Variants in KLB observed in about 807,000 individuals in gnomAD.
The protein encoded by KLB is klotho beta, also known as beta-klotho.
In KLB, 44 loss-of-function variants were observed where a neutral mutation model predicts 88.4. That is an observed-to-expected ratio of 0.50 (90% confidence interval 0.39 to 0.64). The LOEUF is 0.64. Ranked by LOEUF, KLB falls within the 30% of genes least tolerant of loss-of-function variation. The pLI is 0.00. For synonymous variants in KLB, 548 were observed against 513.4 expected (o/e 1.07, Z -0.91); for missense variants, 1,137 against 1,304.8 (o/e 0.87, Z 1.98).
At chr4:39,445,788 C>A (rs1055380400) in intron 3 of KLB, among the ~76,000 whole-genome samples, 5 of 151,354 alleles carry the variant, frequency 3.3e-5, no homozygotes, top group Non-Finnish European at 5.9e-5. Flanking sequence ...TCCCAAAGTG[C>A]TAGGATTACA....
intron 1 of KLB, among the ~76,000 whole-genome samples, chr4:39,409,418 G>C (rs1424094566): frequency 6.6e-6 from 1 of 150,438 alleles, no homozygotes; most frequent in Non-Finnish European, 1.5e-5. Context: ...TCAGCCTCTT[G>C]AGTAACTGGT....
At chr4:39,432,007 C>T (rs1277759332) in intron 1 of KLB, among the ~76,000 whole-genome samples, 1 of 152,178 alleles carries the variant, frequency 6.6e-6, no homozygotes, top group African/African-American at 2.4e-5. Context: ...ATAGTGGGGG[C>T]CGGGTGCAGT....
chr4:39,407,289 AT>A lies in KLB; in HGVS notation c.341del (p.Ile114ThrfsTer31). On this transcript the variant is annotated frameshift_variant, in exon 1 of 5. Transcript: ENST00000257408. LOFTEE classifies it high-confidence loss of function. ...AGGACCTTCTATATGGGATCATTTC[AT>A]CCACACACACCTTAAAAATGTCAGC... The part of the protein sequence containing the change: ...GKGPSIWDHF[I>X]HTHLKNVSST... 6.2e-7 allele frequency: 1 copy of A among 1,614,134 alleles called. No individual in the cohort carries two copies. The highest frequency in any genetic ancestry group is 8.5e-7 in the Non-Finnish European group (1 of 1,179,968).
At chr4:39,416,433 G>A (rs1178954566) in intron 1 of KLB, among the ~76,000 whole-genome samples, 1 of 152,010 alleles carries the variant, frequency 6.6e-6, no homozygotes, top group Non-Finnish European at 1.5e-5. Context: ...TCTTCATATA[G>A]TTCTCTTCTT....
chr4:39,435,266 T>C (rs1743449221), intron 2 of KLB, among the ~76,000 whole-genome samples: 1 of 150,818 alleles, frequency 6.6e-6, no homozygotes, highest in Non-Finnish European at 1.5e-5. Context: ...TACAGGTGCA[T>C]GCCACCACAC....
Position 39,447,414 on chromosome 4 carries a change from T to A in KLB, c.2688T>A (p.Ala896=). The stretch of plus-strand genomic sequence containing the variant: ...CCGCCAGTGGCATCGACGACCAGGC[T>A]CTGGAGGATGACCGGCTCCGGAAGT... The part of the protein sequence containing the change: ...YITASGIDDQ[A]LEDDRLRKYY... Residue 896 remains alanine, a synonymous_variant, in exon 4 of 5, where the codon GCT becomes GCA. Coordinates refer to ENST00000257408, the MANE Select transcript of KLB (RefSeq NM_175737.4). 6.2e-7 allele frequency: 1 copy of A among 1,612,524 alleles called. No individual in the cohort carries two copies. The highest frequency in any genetic ancestry group is 8.5e-7 in the Non-Finnish European group (1 of 1,179,382).
chr4:39,422,179 G>A (rs1743103591), intron 1 of KLB, among the ~76,000 whole-genome samples: 1 of 152,154 alleles, frequency 6.6e-6, no homozygotes, highest in Non-Finnish European at 1.5e-5. Context: ...GTATTTCAAA[G>A]GCACATAATT....
chr4:39,414,934 T>G (rs959486975), intron 1 of KLB, among the ~76,000 whole-genome samples: 7 of 152,034 alleles, frequency 4.6e-5, no homozygotes, highest in African/African-American at 1.7e-4. Context: ...AAGCAACGTT[T>G]ATCCATTTTT....
chr4:39,428,202 G>A (rs778833607), intron 1 of KLB, among the ~76,000 whole-genome samples: 5 of 152,100 alleles, frequency 3.3e-5, no homozygotes, highest in Admixed American at 6.6e-5. Context: ...CAAGGCAGGC[G>A]GATCACCTGA....
At chr4:39,445,325 G>A (rs938204072) in intron 3 of KLB, among the ~76,000 whole-genome samples, 1 of 152,106 alleles carries the variant, frequency 6.6e-6, no homozygotes, top group Non-Finnish European at 1.5e-5. Flanking sequence ...GAGAGACACA[G>A]AATGAGACTC....
At chr4:39,437,605 C>A in intron 2 of KLB, 122 bp from the exon 3 acceptor site, 1 of 1,127,710 alleles carries the variant, frequency 8.9e-7, no homozygotes, top group Non-Finnish European at 1.3e-6. Context: ...ATACAGCAGA[C>A]CTGAAAATTA....
intron 2 of KLB, among the ~76,000 whole-genome samples, chr4:39,437,290 CT>C (rs200844052): frequency 1.1e-4 from 16 of 151,276 alleles, no homozygotes; most frequent in African/African-American, 2.4e-4. Flanking sequence ...CTAAAAGCAG[CT>C]TTTTTTTTAA....
chr4:39,407,739 G>A lies in KLB; in HGVS notation c.790G>A (p.Ala264Thr). Residue 264 changes from alanine to threonine, a missense_variant, in exon 1 of 5, where the codon GCA becomes ACA. By Grantham distance (58) the Ala-to-Thr change is moderately conservative (BLOSUM62 0). This residue lies in a region of KLB where 597 missense variants were observed against 765.2 expected (regional missense o/e 0.78). Coordinates refer to ENST00000257408, the MANE Select transcript of KLB (RefSeq NM_175737.4). ...TGCCCCTGGAGAGAAGGGAAATTTA[G>A]CAGCTGTCTACACTGTGGGACACAA... is the stretch of plus-strand genomic sequence containing the variant. ...MHAPGEKGNL[A>T]AVYTVGHNLI... The A allele has an allele frequency of 6.2e-7, 1 of 1,606,254 alleles. No homozygotes were observed. The highest frequency in any genetic ancestry group is 1.3e-5 in the African/African-American group (1 of 74,898).
chr4:39,430,651 A>C (rs1398651369), intron 1 of KLB, among the ~76,000 whole-genome samples: 1 of 136,488 alleles, frequency 7.3e-6, no homozygotes, highest in African/African-American at 2.9e-5. Context: ...CCCAGGCTGG[A>C]GTACAGCGAC....
chr4:39,426,165 T>C (rs937720384), intron 1 of KLB, among the ~76,000 whole-genome samples: 2 of 151,028 alleles, frequency 1.3e-5, no homozygotes, highest in African/African-American at 4.9e-5. Context: ...GGCAGGAGAA[T>C]GGCGTGAACC....
chr4:39,436,784 A>G lies in KLB; in HGVS notation c.1337-943A>G, dbSNP rs944366165. On this transcript the variant is annotated intron_variant, in intron 2 of 4. Transcript: ENST00000257408. ...GAGTGCAATGGTACAATCTTGGCTC[A>G]CTGCAATCTCCACCTCCTGTGTTCA... is the stretch of plus-strand genomic sequence containing the variant. Among the ~76,000 whole-genome samples, 43 of 151,780 alleles carry G rather than the reference A, an allele frequency of 2.8e-4. 1 individual carries two copies. The highest frequency in any genetic ancestry group is 8.2e-4 in the African/African-American group (34 of 41,306).
rs1169088314 is a variant in KLB at position 39,451,061 on chromosome 4, CTAAG to C, written c.*2379_*2382del. The C allele has an allele frequency of 1.3e-5, 2 of 152,138 alleles. No individual in the cohort carries two copies. The highest frequency in any genetic ancestry group is 1.3e-4 in the Admixed American group (2 of 15,248). 9.4% of individuals were successfully genotyped at this position (152,138 alleles called of 1,614,324 possible). On this transcript the variant is annotated 3_prime_UTR_variant, in exon 5 of 5. Transcript: ENST00000257408. ...ACTTGCTGGTTTACCATAAACTCCC[CTAAG>C]TAATAAAATTCCTAACCCAGTACTG...
chr4:39,447,088 G>C lies in KLB; in HGVS notation c.2362G>C (p.Glu788Gln), dbSNP rs766974887. 5 of 1,613,188 alleles carry C rather than the reference G, an allele frequency of 3.1e-6. No homozygotes were observed. In the South Asian group the frequency reaches 5.5e-5, roughly 18 times the overall value. ...KTGDYPAAMR[E>Q]YIASKHRRGL... ...CGGGGACTACCCCGCGGCCATGAGG[G>C]AATACATTGCCTCCAAGCACCGACG... The change falls in exon 4 of 5, where the codon GAA becomes CAA. Residue 788 changes from glutamate to glutamine, a missense_variant. Glu to Gln is a conservative substitution (Grantham distance 29, BLOSUM62 2). Around this residue, in one of 4 missense-constraint regions of KLB, gnomAD observed 426 missense variants for 404.6 expected, o/e 1.05. Transcript: ENST00000257408.
chr4:39,446,165 G>A lies in KLB; in HGVS notation c.1606-167G>A, dbSNP rs900534804. ...ACTTGTTTTCCAAGCCAGGACCTGG[G>A]TGTGGCTCCTTCTCTGTTTTCTGGT... On this transcript the variant is annotated intron_variant, in intron 3 of 4. Coordinates refer to ENST00000257408, the MANE Select transcript of KLB (RefSeq NM_175737.4). The surrounding 1 kb of genome is among the most constrained non-coding windows in gnomAD (Gnocchi z 6.4). Among the ~76,000 whole-genome samples, 5 of 152,168 alleles carry A rather than the reference G, an allele frequency of 3.3e-5. No homozygotes were observed. The highest frequency in any genetic ancestry group is 2.9e-5 in the Non-Finnish European group (2 of 68,036).
Sources: allele counts gnomAD v4.1 joint callset (sites outside exome capture counted in the v4.1 genomes callset), GRCh38; gene constraint gnomAD v4.1.1; regional missense constraint gnomAD v4.1.1; non-coding constraint Gnocchi (gnomAD v3.1); transcripts MANE v1.5; gene names NCBI Gene and HGNC (gene_info 2026-07-23, HGNC 2026-07-21).